RAB3GAP1: variants seen among roughly 807,000 people sequenced by gnomAD.
RAB3GAP1 encodes the protein rab3 GTPase-activating protein catalytic subunit.
RAB3GAP1 carries 86 observed loss-of-function variants against 130.7 expected under a neutral mutation model. The observed-to-expected ratio is 0.66, with a 90% confidence interval of 0.55 to 0.79. RAB3GAP1 has a LOEUF of 0.79. Ranked by LOEUF, RAB3GAP1 falls within the 30% of genes least tolerant of loss-of-function variation. The pLI is 0.00. For missense variants in RAB3GAP1, 1,029 were observed against 1,169.4 expected, an observed-to-expected ratio of 0.88 and a Z score of 1.75; for synonymous variants, 367 against 401.7, an observed-to-expected ratio of 0.91 and a Z score of 1.03.
At chr2:135,132,751 C>T (rs1691583809) in intron 13 of RAB3GAP1, 144 bp from the exon 14 acceptor site, 2 of 610,116 alleles carry the variant, frequency 3.3e-6, no homozygotes, top group African/African-American at 3.7e-5. Flanking sequence ...GAGTGTAGAA[C>T]AAACTGGCCA....
intron 3 of RAB3GAP1, among the ~76,000 whole-genome samples, chr2:135,090,067 C>A (rs547663124): frequency 4.6e-5 from 7 of 152,184 alleles, no homozygotes; most frequent in Admixed American, 4.6e-4. Flanking sequence ...GCATGTGCAT[C>A]CCAGAACTTA....
At chr2:135,097,268 A>G (rs1327435349) in intron 5 of RAB3GAP1, among the ~76,000 whole-genome samples, 1 of 151,156 alleles carries the variant, frequency 6.6e-6, no homozygotes, top group Admixed American at 6.6e-5. Flanking sequence ...CCAGGCTGGA[A>G]TACATTGATG....
intron 3 of RAB3GAP1, among the ~76,000 whole-genome samples, chr2:135,064,941 GT>G (rs1396369642): frequency 6.7e-6 from 1 of 149,568 alleles, no homozygotes; most frequent in African/African-American, 2.5e-5. Context: ...GTTGTAGAGA[GT>G]GGTTTGCTTG....
At chr2:135,105,937 G>T (rs1324794574) in intron 5 of RAB3GAP1, among the ~76,000 whole-genome samples, 1 of 151,878 alleles carries the variant, frequency 6.6e-6, no homozygotes, top group Non-Finnish European at 1.5e-5. Flanking sequence ...TCTGAGAAGT[G>T]AGGAGCCCCT....
chr2:135,093,575 A>G (rs1183160803), intron 4 of RAB3GAP1, 40 bp from the exon 5 acceptor site: 1 of 1,476,404 alleles, frequency 6.8e-7, no homozygotes, highest in East Asian at 2.3e-5. Flanking sequence ...CTGCCTGATC[A>G]TGAACATACT....
intron 22 of RAB3GAP1, 106 bp downstream of exon 22, chr2:135,163,207 A>G (rs913892058): frequency 1.2e-6 from 1 of 800,060 alleles, no homozygotes; most frequent in African/African-American, 1.7e-5. Flanking sequence ...GTAATCATAT[A>G]TTATTTGAAA....
intron 5 of RAB3GAP1, among the ~76,000 whole-genome samples, chr2:135,095,207 C>T (rs1249012038): frequency 6.6e-6 from 1 of 152,178 alleles, no homozygotes; most frequent in East Asian, 1.9e-4. Flanking sequence ...CACCACCACA[C>T]CCAGCTGATT....
At chr2:135,172,728 G>T (rs1417917347), downstream of RAB3GAP1, among the ~76,000 whole-genome samples, 1 of 152,174 alleles carries the variant, frequency 6.6e-6, no homozygotes, top group African/African-American at 2.4e-5. Context: ...AAGTTGTGGG[G>T]CTGCTGCGAG....
At chr2:135,082,401 T>C (rs2104861279) in intron 3 of RAB3GAP1, among the ~76,000 whole-genome samples, 1 of 152,228 alleles carries the variant, frequency 6.6e-6, no homozygotes, top group East Asian at 1.9e-4. Flanking sequence ...TATTTGCCTG[T>C]TCTGGACATA....
intron 5 of RAB3GAP1, among the ~76,000 whole-genome samples, chr2:135,107,193 C>T (rs1343881119): frequency 6.6e-6 from 1 of 150,748 alleles, no homozygotes; most frequent in African/African-American, 2.4e-5. Context: ...CTTATGTAAA[C>T]AAAGATTGGC....
At chr2:135,136,593 G>C in intron 17 of RAB3GAP1, 2 of 460,150 alleles carry the variant, frequency 4.3e-6, no homozygotes, top group Non-Finnish European at 3.5e-6. Flanking sequence ...AAACTGAGCA[G>C]TGAATGCTCA....
At chr2:135,140,013 A>G (rs1279802737) in intron 17 of RAB3GAP1, among the ~76,000 whole-genome samples, 2 of 152,192 alleles carry the variant, frequency 1.3e-5, no homozygotes, top group Non-Finnish European at 2.9e-5. Flanking sequence ...ATAATCATAC[A>G]TTATATACCA....
Position 135,129,466 on chromosome 2 carries a change from AAAAT to A in RAB3GAP1, c.974-521_974-518del, listed in dbSNP as rs546158947. On this transcript the variant is annotated intron_variant, in intron 11 of 23. Coordinates refer to ENST00000264158, the MANE Select transcript of RAB3GAP1 (RefSeq NM_012233.3). ...GACTCTGTCTCAAAAAAAAAAAAATAAAATAAATAAAAAATAATAGTAATAATGA... is the reference window on the plus strand; with the variant it reads ...GACTCTGTCTCAAAAAAAAAAAAATAAAATAAAAAATAATAGTAATAATGA... Among the ~76,000 whole-genome samples the A allele has an allele frequency of 1.0e-3, 154 of 151,540 alleles. 1 individual carries two copies. The highest frequency in any genetic ancestry group is 6.8e-3 in the Middle Eastern group (2 of 292).
intron 19 of RAB3GAP1, among the ~76,000 whole-genome samples, chr2:135,161,225 A>C (rs1057297654): frequency 6.6e-6 from 1 of 152,188 alleles, no homozygotes; most frequent in African/African-American, 2.4e-5. Flanking sequence ...TACATGTCCC[A>C]TTTGCACCAG....
chr2:135,122,635 G>T (rs1430040049), intron 8 of RAB3GAP1, among the ~76,000 whole-genome samples: 2 of 152,136 alleles, frequency 1.3e-5, no homozygotes, highest in Non-Finnish European at 2.9e-5. Flanking sequence ...CATATAATAT[G>T]GATGAGATAC....
intron 13 of RAB3GAP1, 52 bp from the exon 14 acceptor site, chr2:135,132,843 C>A: frequency 9.2e-7 from 1 of 1,088,410 alleles, no homozygotes; most frequent in Non-Finnish European, 1.4e-6. Context: ...TAAAAATCAA[C>A]AAAATAGGAA....
intron 19 of RAB3GAP1, among the ~76,000 whole-genome samples, chr2:135,160,207 TAGTTAGCCAAAA>T (rs1230895032): frequency 1.4e-4 from 22 of 152,200 alleles, no homozygotes; most frequent in Non-Finnish European, 2.5e-4. Context: ...TATGGAATTT[TAGTTAGCCAAAA>T]AGTAGGGAGG....
chr2:135,124,557 C>T (rs1337563453), intron 9 of RAB3GAP1, among the ~76,000 whole-genome samples: 4 of 152,084 alleles, frequency 2.6e-5, no homozygotes, highest in African/African-American at 9.7e-5. Flanking sequence ...CCCAGCTACT[C>T]AAGAGGTTAA....
At chr2:135,155,076 A>G (rs951321366) in intron 19 of RAB3GAP1, among the ~76,000 whole-genome samples, 2 of 152,224 alleles carry the variant, frequency 1.3e-5, no homozygotes, top group African/African-American at 4.8e-5. Flanking sequence ...ATTGTAACAT[A>G]ACATTCCAAA....
Sources: allele counts gnomAD v4.1 joint callset (sites outside exome capture counted in the v4.1 genomes callset), GRCh38; gene constraint gnomAD v4.1.1; transcripts MANE v1.5; gene names NCBI Gene and HGNC (gene_info 2026-07-23, HGNC 2026-07-21).